The following ERG variants were observed in gnomAD, a reference collection of about 807,000 sequenced individuals.
ERG encodes the protein transcriptional regulator ERG.
In ERG, 9 loss-of-function variants were observed where a neutral mutation model predicts 55.3. That is an observed-to-expected ratio of 0.16 (90% CI 0.10 to 0.28). The LOEUF (loss-of-function observed/expected upper bound fraction) is 0.28. Among genes scored for constraint, ERG ranks in the 10% least tolerant of loss-of-function variants. The probability of loss-of-function intolerance (pLI) is 1.00; values close to 1 mark genes in which losing one functional copy is unlikely to be tolerated. For missense variants in ERG, 434 were observed against 631.6 expected (o/e 0.69, Z 3.35); for synonymous variants, 223 against 237.3 (o/e 0.94, Z 0.55).
intron 2 of ERG, among the ~76,000 whole-genome samples, chr21:38,566,081 T>A (rs2059920945): frequency 6.6e-6 from 1 of 152,200 alleles, no homozygotes; most frequent in Non-Finnish European, 1.5e-5. Context: ...AATAGTGCTC[T>A]CAGATACTTC....
chr21:38,479,747 A>T (rs1197725561), intron 1 of ERG, among the ~76,000 whole-genome samples: 4 of 149,240 alleles, frequency 2.7e-5, no homozygotes, highest in Non-Finnish European at 4.5e-5. Flanking sequence ...TTTCCATCTT[A>T]ACTAAGCACT....
intron 2 of ERG, among the ~76,000 whole-genome samples, chr21:38,538,678 C>G (rs2059729187): frequency 1.3e-5 from 2 of 152,066 alleles, no homozygotes; most frequent in East Asian, 1.9e-4. Context: ...ATTACATACC[C>G]TTTGCTTTCA....
intron 6 of ERG, among the ~76,000 whole-genome samples, chr21:38,399,738 T>C (rs1238466788): frequency 1.3e-5 from 2 of 152,190 alleles, no homozygotes; most frequent in African/African-American, 4.8e-5. Flanking sequence ...ATTGAGTTCC[T>C]CCCCACCCCT....
intron 1 of ERG, among the ~76,000 whole-genome samples, chr21:38,597,480 C>CACACAT (rs1000792898): frequency 3.3e-5 from 5 of 151,538 alleles, no homozygotes; most frequent in Admixed American, 6.6e-5. Context: ...TCTACACACA[C>CACACAT]ACACACACAC....
intron 1 of ERG, among the ~76,000 whole-genome samples, chr21:38,661,132 A>G (rs1165478897): frequency 2.3e-5 from 3 of 130,136 alleles, no homozygotes; most frequent in African/African-American, 8.9e-5. Flanking sequence ...TGGAGGGGCG[A>G]GGAGCAAGGG....
intron 2 of ERG, among the ~76,000 whole-genome samples, chr21:38,517,902 A>G (rs2059563922): frequency 6.6e-6 from 1 of 152,144 alleles, no homozygotes; most frequent in African/African-American, 2.4e-5. Context: ...GGAGCTAAAA[A>G]TGTTAATGTC....
intron 1 of ERG, among the ~76,000 whole-genome samples, chr21:38,576,427 A>C (rs994351912): frequency 3.4e-4 from 52 of 152,102 alleles, no homozygotes; most frequent in African/African-American, 1.1e-3. Context: ...TCCAGAGCCC[A>C]AAAAAAATTT....
intron 1 of ERG, among the ~76,000 whole-genome samples, chr21:38,637,312 T>G (rs2060395509): frequency 6.6e-6 from 1 of 152,208 alleles, no homozygotes; most frequent in South Asian, 2.1e-4. Context: ...GGAACCTGAC[T>G]GAATAAAAAC....
chr21:38,542,603 A>T (rs915307488), intron 2 of ERG, among the ~76,000 whole-genome samples: 1 of 152,198 alleles, frequency 6.6e-6, no homozygotes, highest in Non-Finnish European at 1.5e-5. Flanking sequence ...TATTTCTAAA[A>T]ATAGAGAAAT....
chr21:38,628,081 T>C (rs942644392), intron 1 of ERG, among the ~76,000 whole-genome samples: 1 of 151,976 alleles, frequency 6.6e-6, no homozygotes, highest in Non-Finnish European at 1.5e-5. Flanking sequence ...CCTGAGTAGC[T>C]GGGGCTACAG....
chr21:38,393,817 C>T (rs1036268653), intron 6 of ERG, among the ~76,000 whole-genome samples: 3 of 152,192 alleles, frequency 2.0e-5, no homozygotes, highest in Non-Finnish European at 4.4e-5. Flanking sequence ...CCCTTCAGAG[C>T]TTTGGAGAAT....
At chr21:38,415,749 G>A (rs1989250228) in intron 3 of ERG, among the ~76,000 whole-genome samples, 1 of 152,038 alleles carries the variant, frequency 6.6e-6, no homozygotes, top group Admixed American at 6.5e-5. Context: ...CATGTTTAAA[G>A]GAAGACTGAA....
chr21:38,420,972 G>C (rs1326131100), intron 3 of ERG, among the ~76,000 whole-genome samples: 1 of 152,116 alleles, frequency 6.6e-6, no homozygotes, highest in Admixed American at 6.5e-5. Flanking sequence ...GGCTTCCTTT[G>C]GGTGTCTACT....
chr21:38,572,996 C>T (rs957486667), intron 2 of ERG, among the ~76,000 whole-genome samples: 1 of 152,220 alleles, frequency 6.6e-6, no homozygotes, highest in African/African-American at 2.4e-5. Context: ...TTTGCCCCAA[C>T]CACTTTGCCC....
Position 38,595,123 on chromosome 21 carries a change from G to A in ERG, c.-149-10178C>T, listed in dbSNP as rs190437617. ...GGATCTCAAAGGGCCAAGACGTGGG[G>A]AGAGTCTAGACTTTTAGGCTAGGAA... On this transcript the variant is annotated intron_variant, in intron 1 of 10. Coordinates refer to the ERG transcript ENST00000398910. Among the ~76,000 whole-genome samples the A allele has an allele frequency of 2.4e-3, 351 of 147,964 alleles. 3 individuals carry two copies. The highest frequency in any genetic ancestry group is 4.1e-3 in the Non-Finnish European group (275 of 66,376).
At chr21:38,576,915 C>A (rs2059998077) in intron 1 of ERG, among the ~76,000 whole-genome samples, 1 of 152,206 alleles carries the variant, frequency 6.6e-6, no homozygotes, top group African/African-American at 2.4e-5. Flanking sequence ...GCCTCCAGTA[C>A]CTGGTCCCCA....
intron 1 of ERG, among the ~76,000 whole-genome samples, chr21:38,583,836 T>C (rs1489938839): frequency 1.3e-5 from 2 of 152,160 alleles, no homozygotes; most frequent in African/African-American, 4.8e-5. Context: ...CTCAAAGCCC[T>C]CAGAGGGAAC....
chr21:38,576,479 G>A (rs960135492), intron 1 of ERG, among the ~76,000 whole-genome samples: 35 of 152,276 alleles, frequency 2.3e-4, no homozygotes, highest in African/African-American at 7.7e-4. Flanking sequence ...ATTTTGAAGG[G>A]ACATTTTAAA....
intron 3 of ERG, among the ~76,000 whole-genome samples, chr21:38,412,900 T>C (rs1366279329): frequency 1.3e-5 from 2 of 152,158 alleles, no homozygotes; most frequent in Non-Finnish European, 2.9e-5. Context: ...GTTGAAGACA[T>C]GTCTCTCCAT....
Sources: gnomAD v4.1 joint callset for allele counts (sites outside exome capture counted in the v4.1 genomes callset) on GRCh38, gnomAD v4.1.1 for gene constraint, MANE v1.5 for transcripts, NCBI Gene and HGNC (gene_info 2026-07-23, HGNC 2026-07-21) for gene names.